The following ACCSL variants were observed in gnomAD, a reference collection of about 807,000 sequenced individuals.
The protein encoded by ACCSL is probable inactive 1-aminocyclopropane-1-carboxylate synthase-like protein 2.
In ACCSL, 55 loss-of-function variants were observed where a neutral mutation model predicts 61.7. The observed-to-expected ratio is 0.89, with a 90% CI of 0.72 to 1.12. ACCSL has a LOEUF of 1.12. Among genes scored for constraint, ACCSL ranks in the 50% most tolerant of loss-of-function variants. The pLI, the probability that ACCSL is intolerant of heterozygous loss-of-function variation, is 0.00. For synonymous variants in ACCSL, 258 were observed against 264.3 expected (o/e 0.98, Z 0.23); for missense variants, 632 against 698.0 (o/e 0.91, Z 1.07).
chr11:43,942,043 T>C, the ACCSL span, among the ~76,000 whole-genome samples: 2 of 138,644 alleles, frequency 1.4e-5, no homozygotes, highest in East Asian at 2.1e-4. Context: ...TGCGTGTGTG[T>C]GTGTGTGTGT....
the ACCSL span, among the ~76,000 whole-genome samples, chr11:44,012,651 A>AT: frequency 1.3e-5 from 2 of 152,310 alleles, no homozygotes; most frequent in South Asian, 4.1e-4. Context: ...TATACCCTTC[A>AT]TAGTGCCAAA....
At chr11:43,944,443 C>T in the ACCSL span, 1 of 153,972 alleles carries the variant, frequency 6.5e-6, no homozygotes, top group East Asian at 1.9e-4. Context: ...GCCTGGCGCT[C>T]CTGCGCTGCG....
At chr11:43,949,584 G>A in the ACCSL span, among the ~76,000 whole-genome samples, 1 of 151,698 alleles carries the variant, frequency 6.6e-6, no homozygotes, top group African/African-American at 2.4e-5. Flanking sequence ...GGAGGCTGAG[G>A]CAGGTGGATC....
the ACCSL span, among the ~76,000 whole-genome samples, chr11:43,991,571 A>C: frequency 6.6e-6 from 1 of 152,212 alleles, no homozygotes; most frequent in South Asian, 2.1e-4. Flanking sequence ...AGGTGGGCGG[A>C]TCACCTGAGG....
the ACCSL span, among the ~76,000 whole-genome samples, chr11:43,923,530 GA>G: frequency 6.6e-6 from 1 of 152,342 alleles, no homozygotes; most frequent in Non-Finnish European, 1.5e-5. Flanking sequence ...TGTTTGGAAG[GA>G]ACACGCATGT....
chr11:43,988,803 CTTCTTTTTT>C, the ACCSL span, among the ~76,000 whole-genome samples: 1 of 112,410 alleles, frequency 8.9e-6, no homozygotes, highest in African/African-American at 3.6e-5. Flanking sequence ...CTGATTCTCT[CTTCTTTTTT>C]TTTTTTTTTT....
chr11:43,932,873 G>C, the ACCSL span, among the ~76,000 whole-genome samples: 3 of 152,194 alleles, frequency 2.0e-5, no homozygotes, highest in Non-Finnish European at 2.9e-5. Context: ...TGACTCAATA[G>C]CCACCCCCTT....
At chr11:44,018,220 T>C in the ACCSL span, among the ~76,000 whole-genome samples, 7 of 152,078 alleles carry the variant, frequency 4.6e-5, no homozygotes, top group Non-Finnish European at 8.8e-5. Context: ...GATGCAGATA[T>C]CTGAGAGAGG....
chr11:43,974,065 C>T, the ACCSL span: 3 of 152,302 alleles, frequency 2.0e-5, no homozygotes, highest in African/African-American at 7.2e-5. Context: ...GCACTGAGAA[C>T]AATGCTTGGC....
At chr11:44,024,462 T>A in the ACCSL span, among the ~76,000 whole-genome samples, 3 of 151,922 alleles carry the variant, frequency 2.0e-5, no homozygotes, top group East Asian at 5.8e-4. Flanking sequence ...TGTGTGTGTG[T>A]GTGTGTGTGT....
chr11:43,940,939 C>G, the ACCSL span, among the ~76,000 whole-genome samples: 1 of 152,174 alleles, frequency 6.6e-6, no homozygotes, highest in Admixed American at 6.5e-5. Context: ...AATCTCAGCT[C>G]TTGCTACTTC....
chr11:44,048,210 G>A lies in ACCSL; in HGVS notation c.174G>A (p.Arg58=), dbSNP rs759303797. The A allele has an allele frequency of 8.2e-5, 133 of 1,614,080 alleles. No individual in the cohort carries two copies. The highest frequency in any genetic ancestry group is 1.1e-4 in the Non-Finnish European group (129 of 1,180,056). ...TSRQGLSLEE[R]RHTEAICEHE... The stretch of plus-strand genomic sequence containing the variant: ...GACAGGGCCTGTCGCTGGAGGAAAG[G>A]AGGCACACTGAGGCCATCTGTGAGC... Residue 58 remains arginine (R), a synonymous_variant, in exon 1 of 14, where the codon AGG becomes AGA. Coordinates refer to ENST00000378832, the MANE Select transcript of ACCSL (RefSeq NM_001031854.2).
At chr11:44,030,097 C>T in the ACCSL span, among the ~76,000 whole-genome samples, 3 of 46,152 alleles carry the variant, frequency 6.5e-5, no homozygotes, top group Admixed American at 2.8e-4. Flanking sequence ...TATAAAGGGG[C>T]TCCCCCTGGT....
At chr11:43,970,435 C>G in the ACCSL span, among the ~76,000 whole-genome samples, 1 of 152,294 alleles carries the variant, frequency 6.6e-6, no homozygotes, top group Non-Finnish European at 1.5e-5. Flanking sequence ...AACTCCCAGA[C>G]TCAAGTGATC....
At chr11:44,038,593 G>T in the ACCSL span, among the ~76,000 whole-genome samples, 1 of 152,076 alleles carries the variant, frequency 6.6e-6, no homozygotes, top group Admixed American at 6.6e-5. Context: ...TCAATGATTT[G>T]GGTTGTTAGA....
chr11:43,992,558 A>G, the ACCSL span, among the ~76,000 whole-genome samples: 1 of 152,180 alleles, frequency 6.6e-6, no homozygotes, highest in Non-Finnish European at 1.5e-5. Flanking sequence ...AGAGCCTAGC[A>G]CTGGCTTGGC....
chr11:43,923,759 T>G, the ACCSL span, among the ~76,000 whole-genome samples: 4 of 152,218 alleles, frequency 2.6e-5, no homozygotes, highest in African/African-American at 4.8e-5. Context: ...GTGTTTAAGC[T>G]GGAGCGGGAA....
chr11:44,006,390 C>T, the ACCSL span, among the ~76,000 whole-genome samples: 1 of 152,058 alleles, frequency 6.6e-6, no homozygotes, highest in East Asian at 1.9e-4. Flanking sequence ...TGGCTGAGAG[C>T]CAGTGTGCAT....
chr11:44,058,763 C>T, intron 13 of ACCSL, 64 bp downstream of exon 13: 1 of 1,534,570 alleles, frequency 6.5e-7, no homozygotes, highest in Non-Finnish European at 8.8e-7. Flanking sequence ...TCAATCTTCT[C>T]CCCCACCCCC....
Sources: allele counts gnomAD v4.1 joint callset (sites outside exome capture counted in the v4.1 genomes callset), GRCh38; gene constraint gnomAD v4.1.1; transcripts MANE v1.5; gene names NCBI Gene and HGNC (gene_info 2026-07-23, HGNC 2026-07-21).